SAMD3: variants seen among roughly 807,000 people sequenced by gnomAD.
SAMD3 encodes sterile alpha motif domain-containing protein 3.
SAMD3 carries 63 observed loss-of-function variants against 58.5 expected under a neutral mutation model. That is an observed-to-expected ratio of 1.08 (90% CI 0.88 to 1.33). The LOEUF (loss-of-function observed/expected upper bound fraction) is 1.33, where lower values mean the gene tolerates loss of function less well. SAMD3 is among the 40% of genes most tolerant of loss of function. The pLI is 0.00. For synonymous variants in SAMD3, 220 were observed against 210.3 expected (o/e 1.05, Z -0.40); for missense variants, 604 against 608.4 (o/e 0.99, Z 0.08).
At chr6:130,256,231 G>A (rs1198555833) in intron 2 of SAMD3, among the ~76,000 whole-genome samples, 1 of 151,584 alleles carries the variant, frequency 6.6e-6, no homozygotes, top group Non-Finnish European at 1.5e-5. Flanking sequence ...GGAACTCCAG[G>A]CTTCTTGTAT....
chr6:130,187,323 G>C (rs565658213), intron 5 of SAMD3, among the ~76,000 whole-genome samples: 1 of 149,452 alleles, frequency 6.7e-6, no homozygotes, highest in Admixed American at 6.6e-5. Flanking sequence ...TTTTTTTTCA[G>C]TGTCGGGGCG....
intron 2 of SAMD3, among the ~76,000 whole-genome samples, chr6:130,243,048 G>A (rs975495306): frequency 2.6e-5 from 4 of 152,132 alleles, no homozygotes; most frequent in African/African-American, 9.7e-5. Flanking sequence ...CAGAGGCAAA[G>A]AGCAACAGCC....
chr6:130,173,058 G>A (rs189487926), intron 8 of SAMD3, among the ~76,000 whole-genome samples: 4 of 152,202 alleles, frequency 2.6e-5, no homozygotes, highest in Non-Finnish European at 2.9e-5. Flanking sequence ...GGTCATTTAT[G>A]TTCCTCTCTA....
chr6:130,270,478 G>A (rs750505563), intron 2 of SAMD3, among the ~76,000 whole-genome samples: 1 of 152,164 alleles, frequency 6.6e-6, no homozygotes. Context: ...GACGTCATTG[G>A]CCTGAAGCAA....
intron 9 of SAMD3, among the ~76,000 whole-genome samples, chr6:130,153,904 T>G (rs754438388): frequency 6.6e-6 from 1 of 151,822 alleles, no homozygotes; most frequent in African/African-American, 2.4e-5. Context: ...CTTGAACTCC[T>G]GGGCTCAAGC....
chr6:130,361,663 A>T (rs1228411134), intron 1 of SAMD3, among the ~76,000 whole-genome samples: 1 of 152,252 alleles, frequency 6.6e-6, no homozygotes, highest in Non-Finnish European at 1.5e-5. Flanking sequence ...TCCCAAACAG[A>T]AAGATGATGT....
intron 2 of SAMD3, among the ~76,000 whole-genome samples, chr6:130,265,977 A>G (rs1583026367): frequency 6.6e-6 from 1 of 152,340 alleles, no homozygotes; most frequent in African/African-American, 2.4e-5. Flanking sequence ...GATTAAAAAA[A>G]TGAAAAAATC....
chr6:130,297,816 C>G (rs970426059), intron 2 of SAMD3, among the ~76,000 whole-genome samples: 3 of 151,952 alleles, frequency 2.0e-5, no homozygotes, highest in African/African-American at 7.3e-5. Context: ...TTGAATTCAC[C>G]CAGTCAGACA....
In SAMD3 at chr6:130,155,555, G is replaced by C. The variant is rs150203080; in HGVS notation, c.823-530C>G. Reference sequence around the variant, plus strand: ...TACAACTGGGTACGTTGGGCGGAGTGGGGGCAGCTAAGAAACACCTCACTT... The same window carrying C: ...TACAACTGGGTACGTTGGGCGGAGTCGGGGCAGCTAAGAAACACCTCACTT... On this transcript the variant is annotated intron_variant, in intron 8 of 11. Transcript: ENST00000439090. 4.7e-3 allele frequency among the ~76,000 whole-genome samples: 710 copies of C among 152,230 alleles called. 6 individuals are homozygous for C. The highest frequency in any genetic ancestry group is 0.015 in the African/African-American group (609 of 41,538).
chr6:130,194,127 G>A (rs907577269), intron 5 of SAMD3, among the ~76,000 whole-genome samples: 6 of 152,076 alleles, frequency 3.9e-5, no homozygotes, highest in African/African-American at 9.7e-5. Context: ...TTCATTCTGC[G>A]ACTAGCCCTC....
At chr6:130,169,379 G>A (rs1242283344) in intron 8 of SAMD3, among the ~76,000 whole-genome samples, 3 of 152,086 alleles carry the variant, frequency 2.0e-5, no homozygotes, top group African/African-American at 7.2e-5. Context: ...GAACATGAGA[G>A]CATAAACGGA....
intron 2 of SAMD3, among the ~76,000 whole-genome samples, chr6:130,236,405 A>C (rs1773149605): frequency 6.8e-6 from 1 of 147,486 alleles, no homozygotes; most frequent in African/African-American, 2.6e-5. Flanking sequence ...TTTTTCCGAG[A>C]TGGAGTCATG....
chr6:130,289,494 A>AT (rs1482538857), intron 2 of SAMD3, among the ~76,000 whole-genome samples: 3 of 135,112 alleles, frequency 2.2e-5, no homozygotes, highest in South Asian at 5.2e-4. Context: ...GGTAAAGAAA[A>AT]AAAAATATAT....
At chr6:130,362,390 T>C (rs912394235) in intron 1 of SAMD3, among the ~76,000 whole-genome samples, 2 of 152,256 alleles carry the variant, frequency 1.3e-5, no homozygotes, top group African/African-American at 4.8e-5. Flanking sequence ...CCATGGACAG[T>C]GGAACAGGTG....
intron 2 of SAMD3, among the ~76,000 whole-genome samples, chr6:130,253,518 G>A (rs1285555220): frequency 6.6e-6 from 1 of 151,870 alleles, no homozygotes; most frequent in Admixed American, 6.6e-5. Flanking sequence ...CCATTTTCTT[G>A]TCTTATTTGC....
chr6:130,240,516 T>A (rs1209742825), intron 2 of SAMD3, among the ~76,000 whole-genome samples: 1 of 152,138 alleles, frequency 6.6e-6, no homozygotes, highest in African/African-American at 2.4e-5. Flanking sequence ...TCTAAATCAA[T>A]TTAGGAAAAG....
At chr6:130,217,406 G>T (rs190681965) in intron 1 of SAMD3, among the ~76,000 whole-genome samples, 11 of 152,128 alleles carry the variant, frequency 7.2e-5, no homozygotes, top group African/African-American at 2.4e-4. Context: ...TTGAATAGTG[G>T]TATCATTTTT....
At chr6:130,272,431 T>C (rs1187924839) in intron 2 of SAMD3, among the ~76,000 whole-genome samples, 1 of 152,178 alleles carries the variant, frequency 6.6e-6, no homozygotes, top group Non-Finnish European at 1.5e-5. Flanking sequence ...TTTTAAATTA[T>C]TTCACATCTA....
upstream of SAMD3, among the ~76,000 whole-genome samples, chr6:130,227,327 T>G (rs1371243573): frequency 6.6e-6 from 1 of 152,212 alleles, no homozygotes; most frequent in Non-Finnish European, 1.5e-5. Context: ...TGAGTAATAT[T>G]CCATTTGATG....
Sources: allele counts gnomAD v4.1 joint callset (sites outside exome capture counted in the v4.1 genomes callset), GRCh38; gene constraint gnomAD v4.1.1; transcripts MANE v1.5; gene names NCBI Gene and HGNC (gene_info 2026-07-23, HGNC 2026-07-21).